The following ARL8A variants were observed in gnomAD, a reference collection of about 807,000 sequenced individuals.
ARL8A encodes the protein ARF like GTPase 8A.
A neutral mutation model predicts 31.2 loss-of-function variants in ARL8A; 10 were observed. The ratio of observed to expected loss-of-function variants is 0.32; its 90% CI spans 0.20 to 0.54. The LOEUF is 0.54. Among genes scored for constraint, ARL8A ranks in the 20% least tolerant of loss-of-function variants. The pLI is 0.93. For synonymous variants in ARL8A, 70 were observed against 86.9 expected (o/e 0.81, Z 1.08); for missense variants, 129 against 242.8 (o/e 0.53, Z 3.12).
Position 202,135,825 on chromosome 1 carries a change from C to T in ARL8A, c.279-25G>A. 6.3e-7 allele frequency: 1 copy of T among 1,592,670 alleles called. No homozygotes were observed. Among genetic ancestry groups the T allele is most frequent in the Non-Finnish European group, 8.6e-7 (1 of 1,160,518 alleles). On this transcript the variant is annotated intron_variant, in intron 3 of 6. Transcript: ENST00000272217. The surrounding 1 kb of genome is among the most constrained non-coding windows in gnomAD (Gnocchi z 5.3). ...CCTGGGGAAAGAGGCAGGGTGGGGA[C>T]AAGCATGTTGACACCACAGGCTGAG...
Position 202,134,563 on chromosome 1 carries a change from C to A in ARL8A, c.512-47G>T, listed in dbSNP as rs200817993. 1.2e-5 allele frequency: 18 copies of A among 1,561,774 alleles called. No homozygotes were observed. The highest frequency in any genetic ancestry group is 1.5e-5 in the Non-Finnish European group (17 of 1,132,634). ...GCTTATAAGGCCTGCAAGTACTGGC[C>A]GTGCTGGGGCAGCAGAGAGGCCCAA... On this transcript the variant is annotated intron_variant, in intron 6 of 6. Transcript: ENST00000272217. The surrounding 1 kb of genome is among the most constrained non-coding windows in gnomAD (Gnocchi z 4.2).
Position 202,134,548 on chromosome 1 carries a change from C to G in ARL8A, c.512-32G>C. On this transcript the variant is annotated intron_variant, in intron 6 of 6. Transcript: ENST00000272217. The surrounding 1 kb of genome is among the most constrained non-coding windows in gnomAD (Gnocchi z 4.2). ...GGAGAAAAGAGAACAGCTTATAAGG[C>G]CTGCAAGTACTGGCCGTGCTGGGGC... 6.3e-7 allele frequency: 1 copy of G among 1,593,858 alleles called. No individual in the cohort carries two copies. The highest frequency in any genetic ancestry group is 8.6e-7 in the Non-Finnish European group (1 of 1,161,712).
In ARL8A at chr1:202,138,145, C is replaced by A. The variant is rs764351219; in HGVS notation, c.205-107G>T. On this transcript the variant is annotated intron_variant, in intron 2 of 6. Coordinates refer to ENST00000272217, the MANE Select transcript of ARL8A (RefSeq NM_138795.4). This position sits in a 1 kb window ranked among gnomAD's most constrained non-coding sequence, Gnocchi z 4.4. ...CCTGCCCTACTCTCCTCTGCCTCCC[C>A]GGCTTCCTCTCCAGTTCTCCCCCGT... The A allele has an allele frequency of 1.5e-6, 2 of 1,340,454 alleles. No individual in the cohort carries two copies. The highest frequency in any genetic ancestry group is 2.4e-5 in the East Asian group (1 of 41,760). The allele number at this position is 1,340,454 out of a possible 1,614,324, so 83.0% of individuals were successfully genotyped here. A position where few individuals can be genotyped will look rare whatever the true frequency, so the allele number is the denominator to read the frequency against.
chr1:202,138,103 C>G lies in ARL8A; in HGVS notation c.205-65G>C, dbSNP rs1655062492. 1 of 1,574,670 alleles carries G rather than the reference C, an allele frequency of 6.4e-7. No homozygotes were observed. The highest frequency in any genetic ancestry group is 8.7e-7 in the Non-Finnish European group (1 of 1,147,244). On this transcript the variant is annotated intron_variant, in intron 2 of 6. Coordinates refer to ENST00000272217, the MANE Select transcript of ARL8A (RefSeq NM_138795.4). This position sits in a 1 kb window ranked among gnomAD's most constrained non-coding sequence, Gnocchi z 4.4. ...GGCCACCAAAACGTGTCTTGGGTCT[C>G]AAATGCCCCCTCCTACCCTGCCCTA...
Position 202,134,644 on chromosome 1 carries a change from C to T in ARL8A, c.512-128G>A. The T allele has an allele frequency of 1.2e-6, 1 of 832,506 alleles. No individual in the cohort carries two copies. The highest frequency in any genetic ancestry group is 1.4e-5 in the South Asian group (1 of 70,028). 51.6% of individuals were successfully genotyped at this position (832,506 alleles called of 1,614,324 possible). A position where few individuals can be genotyped will look rare whatever the true frequency, so the allele number is the denominator to read the frequency against. On this transcript the variant is annotated intron_variant, in intron 6 of 6. Transcript: ENST00000272217. This position sits in a 1 kb window ranked among gnomAD's most constrained non-coding sequence, Gnocchi z 4.2. ...GAGATGCCAGGAGGGGTGGCGCACACCTGGAGTCTCAGCTACATGGGAAGC... is the reference window on the plus strand; with the variant it reads ...GAGATGCCAGGAGGGGTGGCGCACATCTGGAGTCTCAGCTACATGGGAAGC...
rs1655245728 is a variant in ARL8A at position 202,144,339 on chromosome 1, C to A, written c.123+111G>T. 14 of 766,798 alleles carry A rather than the reference C, an allele frequency of 1.8e-5. No individual in the cohort carries two copies. The South Asian group carries it at 6.9e-4, about 38-fold the overall frequency. The allele number at this position is 766,798 out of a possible 1,614,324, so 47.5% of individuals were successfully genotyped here. ...GCTCCTCCCCCGCCCGGCGCCCGGC[C>A]GTGCCCGGCTATGCCAGGCGGCGAC... On this transcript the variant is annotated intron_variant, in intron 1 of 6. Coordinates refer to ENST00000272217, the MANE Select transcript of ARL8A (RefSeq NM_138795.4). The surrounding 1 kb of genome is among the most constrained non-coding windows in gnomAD (Gnocchi z 5.2).
chr1:202,140,431 G>T (rs1239156460), intron 1 of ARL8A, among the ~76,000 whole-genome samples: 1 of 151,742 alleles, frequency 6.6e-6, no homozygotes. Context: ...GTGAGCCACC[G>T]CGCCCAGCCC....
chr1:202,142,109 A>AC (rs920040631), intron 1 of ARL8A, among the ~76,000 whole-genome samples: 1 of 151,234 alleles, frequency 6.6e-6, no homozygotes, highest in African/African-American at 2.4e-5. Flanking sequence ...CTCAGGTGAA[A>AC]CCCCCACTTT....
rs1219819319 is a variant in ARL8A at position 202,138,978 on chromosome 1, T to C, written c.124-530A>G. ...GTTTATTTGTACTGTACTCCAGTTATTGGGAAGGATAACCTACACTCTATA... is the reference window on the plus strand; with the variant it reads ...GTTTATTTGTACTGTACTCCAGTTACTGGGAAGGATAACCTACACTCTATA... On this transcript the variant is annotated intron_variant, in intron 1 of 6. Coordinates refer to ENST00000272217, the MANE Select transcript of ARL8A (RefSeq NM_138795.4). The surrounding 1 kb of genome is among the most constrained non-coding windows in gnomAD (Gnocchi z 4.4). Among the ~76,000 whole-genome samples, 1 of 152,202 alleles carries C rather than the reference T, an allele frequency of 6.6e-6. No individual in the cohort carries two copies. The highest frequency in any genetic ancestry group is 1.5e-5 in the Non-Finnish European group (1 of 68,040).
rs113896229 is a variant in ARL8A at position 202,137,624 on chromosome 1, G to A, written c.278+341C>T. ...GCCTGGGCAACAAGAGCGAAACTCC[G>A]TCTCAAAAAAAAAAAAAAGAATCAT... is the stretch of plus-strand genomic sequence containing the variant. On this transcript the variant is annotated intron_variant, in intron 3 of 6. Coordinates refer to ENST00000272217, the MANE Select transcript of ARL8A (RefSeq NM_138795.4). Among the ~76,000 whole-genome samples the A allele has an allele frequency of 3.4e-3, 399 of 117,980 alleles. 3 individuals are homozygous for A. The highest frequency in any genetic ancestry group is 0.01 in the African/African-American group (345 of 33,556). The allele number at this position is 117,980 out of a possible 152,430, so 77.4% of individuals were successfully genotyped here.
chr1:202,136,638 C>A (rs1272201676), intron 3 of ARL8A, among the ~76,000 whole-genome samples: 2 of 152,150 alleles, frequency 1.3e-5, no homozygotes, highest in African/African-American at 4.8e-5. Flanking sequence ...GGTGCAATTA[C>A]AGCTCACTGC....
At chr1:202,142,808 G>A (rs977646363) in intron 1 of ARL8A, among the ~76,000 whole-genome samples, 1 of 152,050 alleles carries the variant, frequency 6.6e-6, no homozygotes, top group African/African-American at 2.4e-5. Flanking sequence ...CCCAGAAACC[G>A]AACCCACCCG....
In ARL8A at chr1:202,138,294, AACACACAC is replaced by A. The variant is rs10531175; in HGVS notation, c.204+66_204+73del. The A allele has an allele frequency of 0.064, 80,655 of 1,255,796 alleles. 2 individuals carry two copies. Among genetic ancestry groups the A allele is most frequent in the South Asian group, 0.081 (6,251 of 77,276 alleles). The allele number at this position is 1,255,796 out of a possible 1,614,324, so 77.8% of individuals were successfully genotyped here. A position where few individuals can be genotyped will look rare whatever the true frequency, so the allele number is the denominator to read the frequency against. On this transcript the variant is annotated intron_variant, in intron 2 of 6. Coordinates refer to ENST00000272217, the MANE Select transcript of ARL8A (RefSeq NM_138795.4). This position sits in a 1 kb window ranked among gnomAD's most constrained non-coding sequence, Gnocchi z 4.4. ...CCCAGGGGCCTCCGTTGCCCTCCCC[AACACACAC>A]ACACACACACACACACACACACACA...
chr1:202,143,543 C>T (rs1459894559), intron 1 of ARL8A, among the ~76,000 whole-genome samples: 1 of 152,350 alleles, frequency 6.6e-6, no homozygotes, highest in Non-Finnish European at 1.5e-5. Context: ...CTGGCTCTGA[C>T]AGGCAGGCCG....
chr1:202,138,459 G>C lies in ARL8A; in HGVS notation c.124-11C>G, dbSNP rs760308536. 6.2e-7 allele frequency: 1 copy of C among 1,613,220 alleles called. No individual in the cohort carries two copies. The highest frequency in any genetic ancestry group is 8.5e-7 in the Non-Finnish European group (1 of 1,179,324). ...GTTGAACTGTCCTGACTGGAAAGAA[G>C]ACTCAGAATGGGAAACAGTGCAAAA... is the stretch of plus-strand genomic sequence containing the variant. On this transcript the variant is annotated splice_polypyrimidine_tract_variant and intron_variant, in intron 1 of 6. Coordinates refer to ENST00000272217, the MANE Select transcript of ARL8A (RefSeq NM_138795.4). This position sits in a 1 kb window ranked among gnomAD's most constrained non-coding sequence, Gnocchi z 4.4.
At chr1:202,141,364 G>A (rs1352311135) in intron 1 of ARL8A, among the ~76,000 whole-genome samples, 3 of 152,090 alleles carry the variant, frequency 2.0e-5, no homozygotes, top group East Asian at 1.9e-4. Flanking sequence ...CAATCCGGCC[G>A]GACATGGTGG....
Position 202,138,156 on chromosome 1 carries a change from C to T in ARL8A, c.205-118G>A. On this transcript the variant is annotated intron_variant, in intron 2 of 6. Coordinates refer to ENST00000272217, the MANE Select transcript of ARL8A (RefSeq NM_138795.4). The surrounding 1 kb of genome is among the most constrained non-coding windows in gnomAD (Gnocchi z 4.4). ...CTCCTCTGCCTCCCCGGCTTCCTCT[C>T]CAGTTCTCCCCCGTCTCCACCCGCT... is the stretch of plus-strand genomic sequence containing the variant. 2 of 1,254,298 alleles carry T rather than the reference C, an allele frequency of 1.6e-6. No homozygotes were observed. 77.7% of individuals were successfully genotyped at this position (1,254,298 alleles called of 1,614,324 possible).
In ARL8A at chr1:202,135,524, G is replaced by C. The variant is rs758493587; in HGVS notation, c.375C>G (p.Val125=). 6.2e-7 allele frequency: 1 copy of C among 1,614,054 alleles called. No individual in the cohort carries two copies. The highest frequency in any genetic ancestry group is 1.1e-5 in the South Asian group (1 of 91,048). ...LDKPQLQGIP[V]LVLGNKRDLP... is the part of the protein sequence containing the mutation. ...GGTCTCGCTTGTTACCCAGGACTAA[G>C]ACCTACGGAGAAGGGAGGGTGAGGA... Residue 125 remains valine (V), a splice_region_variant and synonymous_variant, in exon 5 of 7, where the codon GTC becomes GTG. Coordinates refer to ENST00000272217, the MANE Select transcript of ARL8A (RefSeq NM_138795.4). The surrounding 1 kb of genome is among the most constrained non-coding windows in gnomAD (Gnocchi z 5.3).
chr1:202,144,268 G>C lies in ARL8A; in HGVS notation c.123+182C>G, dbSNP rs1353737799. The stretch of plus-strand genomic sequence containing the variant: ...AGAGAGCGGGTCGCGCGCCGCCCCG[G>C]TCCCCCACGGCACGGGCCGTACTAG... On this transcript the variant is annotated intron_variant, in intron 1 of 6. Transcript: ENST00000272217. This position sits in a 1 kb window ranked among gnomAD's most constrained non-coding sequence, Gnocchi z 5.2. Among the ~76,000 whole-genome samples the C allele has an allele frequency of 6.6e-6, 1 of 151,704 alleles. No homozygotes were observed. The highest frequency in any genetic ancestry group is 2.4e-5 in the African/African-American group (1 of 41,380).
Sources: allele counts gnomAD v4.1 joint callset (sites outside exome capture counted in the v4.1 genomes callset), GRCh38; gene constraint gnomAD v4.1.1; non-coding constraint Gnocchi (gnomAD v3.1); transcripts MANE v1.5; gene names NCBI Gene and HGNC (gene_info 2026-07-23, HGNC 2026-07-21).